Variants in UBOX5 observed in about 807,000 individuals in gnomAD.
UBOX5 encodes U-box domain containing 5, also known as RING finger protein 37.
UBOX5 carries 28 observed loss-of-function variants against 39.0 expected under a neutral mutation model. The observed-to-expected ratio is 0.72, with a 90% CI of 0.53 to 0.98. UBOX5 has a LOEUF of 0.98. Ranked by LOEUF, UBOX5 falls within the 50% of genes least tolerant of loss-of-function variation. The pLI is 0.00. For missense variants in UBOX5, 585 were observed against 674.4 expected, an observed-to-expected ratio of 0.87 and a Z score of 1.47; for synonymous variants, 283 against 275.5, an observed-to-expected ratio of 1.03 and a Z score of -0.27.
intron 1 of UBOX5, among the ~76,000 whole-genome samples, chr20:3,128,157 C>A (rs905279467): frequency 1.3e-5 from 2 of 152,242 alleles, no homozygotes; most frequent in Admixed American, 1.3e-4. Context: ...TGCATTGTGT[C>A]TACAAATATC....
intron 3 of UBOX5, 113 bp from the exon 4 acceptor site, chr20:3,115,579 A>G (rs1181083314): frequency 1.4e-5 from 17 of 1,179,552 alleles, no homozygotes; most frequent in Non-Finnish European, 2.0e-5. Context: ...ACATCAATGT[A>G]ATGAAACTCC....
intron 1 of UBOX5, among the ~76,000 whole-genome samples, chr20:3,124,632 T>C (rs541005556): frequency 4.3e-4 from 62 of 144,986 alleles, no homozygotes; most frequent in Non-Finnish European, 6.4e-4. Context: ...CCATCTGGGA[T>C]GTGAGGAGCA....
chr20:3,115,801 C>T (rs2066289810), intron 3 of UBOX5, among the ~76,000 whole-genome samples: 1 of 149,884 alleles, frequency 6.7e-6, no homozygotes, highest in African/African-American at 2.5e-5. Flanking sequence ...GTCTGTCGCC[C>T]AGGCTGAGAA....
chr20:3,112,352 A>G (rs938517536), intron 4 of UBOX5, among the ~76,000 whole-genome samples: 3 of 151,688 alleles, frequency 2.0e-5, no homozygotes, highest in East Asian at 1.9e-4. Flanking sequence ...AAGGGCCCCA[A>G]TTGCCCCCAG....
At chr20:3,154,927 A>C (rs1299118399) in intron 1 of UBOX5, among the ~76,000 whole-genome samples, 1 of 151,574 alleles carries the variant, frequency 6.6e-6, no homozygotes, top group African/African-American at 2.4e-5. Flanking sequence ...GTGGCTCACA[A>C]CTGTAATCCC....
rs1345716949 is a variant in UBOX5 at position 3,109,791 on chromosome 20, G to A, written c.*315C>T. The A allele has an allele frequency of 1.2e-5, 5 of 410,018 alleles. No homozygotes were observed. The highest frequency in any genetic ancestry group is 7.1e-5 in the South Asian group (3 of 42,296). The allele number at this position is 410,018 out of a possible 1,614,324, so 25.4% of individuals were successfully genotyped here. On this transcript the variant is annotated 3_prime_UTR_variant, in exon 5 of 5. Coordinates refer to ENST00000217173, the MANE Select transcript of UBOX5 (RefSeq NM_014948.4). ...TGCCCTGCTGGACAGGGGGGTATGC[G>A]GACTGCACGGGGGGGCCCTCAGCAG...
intron 1 of UBOX5, chr20:3,147,014 G>A (rs779120707): frequency 5.0e-6 from 8 of 1,614,052 alleles, no homozygotes; most frequent in East Asian, 2.2e-5. Context: ...GCAGGCTGCG[G>A]GGCACAGGCC....
chr20:3,154,237 C>T (rs911723054), intron 1 of UBOX5, among the ~76,000 whole-genome samples: 6 of 152,074 alleles, frequency 3.9e-5, no homozygotes, highest in Non-Finnish European at 7.4e-5. Flanking sequence ...TCATGCTGGA[C>T]GACATAGACA....
intron 1 of UBOX5, among the ~76,000 whole-genome samples, chr20:3,157,662 T>G (rs1049760072): frequency 1.3e-5 from 2 of 152,236 alleles, no homozygotes; most frequent in African/African-American, 4.8e-5. Flanking sequence ...TAGGCACTCA[T>G]GTCCTCTCAG....
At chr20:3,137,493 T>C (rs1654557995) in intron 1 of UBOX5, among the ~76,000 whole-genome samples, 1 of 152,098 alleles carries the variant, frequency 6.6e-6, no homozygotes, top group African/African-American at 2.4e-5. Flanking sequence ...GGTCTTGAAC[T>C]CCTGACCTCA....
intron 3 of UBOX5, among the ~76,000 whole-genome samples, chr20:3,120,925 G>A (rs905392580): frequency 1.3e-5 from 2 of 152,104 alleles, no homozygotes; most frequent in Admixed American, 1.3e-4. Context: ...GTGACGGTTA[G>A]AAATAACACC....
intron 1 of UBOX5, among the ~76,000 whole-genome samples, chr20:3,139,191 T>G (rs1466895064): frequency 6.6e-6 from 1 of 152,088 alleles, no homozygotes; most frequent in African/African-American, 2.4e-5. Flanking sequence ...TACAACTGGT[T>G]AAAATGAAAG....
chr20:3,149,195 G>A lies in UBOX5; in HGVS notation c.-42+10571C>T. 3.8e-6 allele frequency: 4 copies of A among 1,040,856 alleles called. No individual in the cohort carries two copies. In the East Asian group the frequency reaches 7.6e-5, roughly 20 times the overall value. The allele number at this position is 1,040,856 out of a possible 1,614,324, so 64.5% of individuals were successfully genotyped here. On this transcript the variant is annotated intron_variant, in intron 1 of 4. Coordinates refer to ENST00000217173, the MANE Select transcript of UBOX5 (RefSeq NM_014948.4). The surrounding 1 kb of genome is among the most constrained non-coding windows in gnomAD (Gnocchi z 4.1). Reference sequence around the variant, plus strand: ...GGGAGGTGTTCCACAAAAACTGCCTGGAAATCTTCAGCATATCACAAGAGC... The same window carrying A: ...GGGAGGTGTTCCACAAAAACTGCCTAGAAATCTTCAGCATATCACAAGAGC...
intron 1 of UBOX5, chr20:3,148,065 C>G: frequency 6.2e-7 from 1 of 1,614,182 alleles, no homozygotes; most frequent in Non-Finnish European, 8.5e-7. Flanking sequence ...TTCCGCATGA[C>G]AAATTCAGAG....
intron 1 of UBOX5, among the ~76,000 whole-genome samples, chr20:3,145,912 G>C (rs777773939): frequency 2.6e-4 from 39 of 152,100 alleles, no homozygotes; most frequent in Admixed American, 2.4e-3. Flanking sequence ...TGGGCGTGGT[G>C]GTGGGCGCCT....
At chr20:3,133,689 C>G (rs970776926) in intron 1 of UBOX5, among the ~76,000 whole-genome samples, 1 of 151,910 alleles carries the variant, frequency 6.6e-6, no homozygotes, top group Non-Finnish European at 1.5e-5. Flanking sequence ...AAAACAAAAC[C>G]CAGCACCTAT....
chr20:3,151,340 A>G (rs1424444164), intron 1 of UBOX5, among the ~76,000 whole-genome samples: 1 of 152,198 alleles, frequency 6.6e-6, no homozygotes, highest in African/African-American at 2.4e-5. Context: ...TAGGCCATTC[A>G]TTATATATTG....
chr20:3,131,905 G>C (rs1179106576), intron 1 of UBOX5, among the ~76,000 whole-genome samples: 1 of 151,790 alleles, frequency 6.6e-6, no homozygotes, highest in African/African-American at 2.4e-5. Flanking sequence ...CTACTGGGGA[G>C]GCTGAGGCAG....
chr20:3,138,505 T>G (rs1432307796), intron 1 of UBOX5, among the ~76,000 whole-genome samples: 1 of 152,104 alleles, frequency 6.6e-6, no homozygotes, highest in South Asian at 2.1e-4. Flanking sequence ...CTGAGATTTA[T>G]GTTCAGAGTA....
Sources: allele counts gnomAD v4.1 joint callset (sites outside exome capture counted in the v4.1 genomes callset), GRCh38; gene constraint gnomAD v4.1.1; non-coding constraint Gnocchi (gnomAD v3.1); transcripts MANE v1.5; gene names NCBI Gene and HGNC (gene_info 2026-07-23, HGNC 2026-07-21).